Variants in SHTN1 observed in about 807,000 individuals in gnomAD.
SHTN1 encodes the protein shootin 1.
Under a neutral mutation model 83.1 loss-of-function variants are expected in SHTN1, and 42 were observed. The observed-to-expected ratio is 0.51, with a 90% CI of 0.39 to 0.65. The LOEUF (loss-of-function observed/expected upper bound fraction) is 0.65. SHTN1 is among the 30% of genes least tolerant of loss of function. The pLI is 0.00. For synonymous variants in SHTN1, 224 were observed against 247.7 expected (o/e 0.90, Z 0.90); for missense variants, 622 against 737.8 (o/e 0.84, Z 1.82).
At chr10:116,904,328 C>T (rs1285998927) in intron 15 of SHTN1, among the ~76,000 whole-genome samples, 1 of 152,180 alleles carries the variant, frequency 6.6e-6, no homozygotes, top group African/African-American at 2.4e-5. Context: ...TAAAAATATT[C>T]ACATGGTAAA....
intron 9 of SHTN1, among the ~76,000 whole-genome samples, chr10:116,933,325 AC>A (rs753279565): frequency 7.0e-6 from 1 of 142,022 alleles, no homozygotes; most frequent in African/African-American, 2.6e-5. Context: ...CCTTGCCCCC[AC>A]CCCCCGACAG....
At chr10:116,982,834 C>A (rs539394095) in intron 1 of SHTN1, among the ~76,000 whole-genome samples, 4 of 152,016 alleles carry the variant, frequency 2.6e-5, no homozygotes, top group African/African-American at 7.3e-5. Context: ...TGGCAGCACA[C>A]GCCTGTAATC....
At chr10:116,996,065 A>G (rs1273763578) in intron 1 of SHTN1, among the ~76,000 whole-genome samples, 1 of 152,224 alleles carries the variant, frequency 6.6e-6, no homozygotes, top group Non-Finnish European at 1.5e-5. Context: ...TTTTTGCTGC[A>G]TTTATGTAAA....
At chr10:117,015,291 TGTA>T (rs1852166391) in intron 2 of SHTN1, among the ~76,000 whole-genome samples, 1 of 152,122 alleles carries the variant, frequency 6.6e-6, no homozygotes, top group Non-Finnish European at 1.5e-5. Flanking sequence ...CTTTGGAAAT[TGTA>T]GTAATTTTTT....
At chr10:117,121,790 T>C (rs758060145) in intron 1 of SHTN1, among the ~76,000 whole-genome samples, 7 of 151,388 alleles carry the variant, frequency 4.6e-5, no homozygotes, top group African/African-American at 7.3e-5. Flanking sequence ...CCCAGCACTT[T>C]GGGAGGCCAA....
At chr10:116,906,860 C>A in intron 14 of SHTN1, 113 bp from the exon 15 acceptor site, 1 of 867,020 alleles carries the variant, frequency 1.2e-6, no homozygotes. Flanking sequence ...AATTATGAAA[C>A]AAAATGAATT....
At chr10:117,003,568 G>A (rs1425126543) in intron 1 of SHTN1, among the ~76,000 whole-genome samples, 2 of 151,956 alleles carry the variant, frequency 1.3e-5, no homozygotes, top group Middle Eastern at 3.4e-3. Flanking sequence ...ACTTCCCAAC[G>A]GTGTCTGTGG....
At chr10:117,116,177 T>G (rs1359769856) in intron 1 of SHTN1, among the ~76,000 whole-genome samples, 1 of 149,632 alleles carries the variant, frequency 6.7e-6, no homozygotes, top group Admixed American at 6.6e-5. Flanking sequence ...TTAGGTAGAT[T>G]GAGAAAAAAA....
At chr10:117,057,626 T>G (rs570423262) in intron 1 of SHTN1, among the ~76,000 whole-genome samples, 1 of 152,126 alleles carries the variant, frequency 6.6e-6, no homozygotes, top group Non-Finnish European at 1.5e-5. Context: ...CAACCACATA[T>G]GCAGGGAATT....
rs572945015 is a variant in SHTN1, at chr10:116,960,290, C to T, written c.173-60G>A. 4 of 907,892 alleles carry T rather than the reference C, an allele frequency of 4.4e-6. No homozygotes were observed. The African/African-American group carries it at 4.9e-5, about 11-fold the overall frequency. The allele number at this position is 907,892 out of a possible 1,614,324, so 56.2% of individuals were successfully genotyped here. ...AAAGATTAGTCAGCTATTCCAGGAGCCCACGCATCGTCCCATGATTAAGAA... is the reference window on the plus strand; with the variant it reads ...AAAGATTAGTCAGCTATTCCAGGAGTCCACGCATCGTCCCATGATTAAGAA... On this transcript the variant is annotated intron_variant, in intron 3 of 16. Transcript: ENST00000355371.
intron 1 of SHTN1, among the ~76,000 whole-genome samples, chr10:117,081,025 TTTCC>T (rs1167235359): frequency 1.3e-5 from 2 of 152,142 alleles, no homozygotes; most frequent in African/African-American, 4.8e-5. Flanking sequence ...ATACCCGTTA[TTTCC>T]TTCTCCCACC....
chr10:116,942,133 A>G (rs1589827480), intron 8 of SHTN1, among the ~76,000 whole-genome samples: 2 of 152,334 alleles, frequency 1.3e-5, no homozygotes, highest in African/African-American at 2.4e-5. Flanking sequence ...AGAGTAATCA[A>G]TATTTCATCA....
At chr10:116,998,296 A>G (rs1269742542) in intron 1 of SHTN1, among the ~76,000 whole-genome samples, 1 of 152,184 alleles carries the variant, frequency 6.6e-6, no homozygotes, top group African/African-American at 2.4e-5. Context: ...TGTTCTTTCC[A>G]TCGGCTCTTG....
At chr10:116,940,443 G>T in intron 9 of SHTN1, 23 bp downstream of exon 9, 1 of 1,611,906 alleles carries the variant, frequency 6.2e-7, no homozygotes, top group South Asian at 1.1e-5. Flanking sequence ...GTGTACCTAA[G>T]ATTCCAGAAG....
intron 1 of SHTN1, among the ~76,000 whole-genome samples, chr10:117,092,537 G>A (rs1323543044): frequency 1.3e-5 from 2 of 152,130 alleles, no homozygotes; most frequent in African/African-American, 4.8e-5. Context: ...GACAAATTAA[G>A]CCAATAAAAA....
chr10:117,069,889 A>G (rs922504418), intron 1 of SHTN1, among the ~76,000 whole-genome samples: 10 of 152,316 alleles, frequency 6.6e-5, no homozygotes, highest in African/African-American at 2.2e-4. Context: ...AAGCCCTGTT[A>G]TATCTAGCCA....
intron 2 of SHTN1, among the ~76,000 whole-genome samples, chr10:117,022,546 A>G (rs752567069): frequency 3.9e-5 from 6 of 152,328 alleles, no homozygotes; most frequent in Non-Finnish European, 8.8e-5. Flanking sequence ...AATACACACA[A>G]CTAAACAAAA....
At chr10:116,986,511 G>T (rs1388206236) in intron 1 of SHTN1, among the ~76,000 whole-genome samples, 1 of 151,918 alleles carries the variant, frequency 6.6e-6, no homozygotes, top group East Asian at 1.9e-4. Context: ...CTAAACTTTT[G>T]TGAGTTTCAC....
rs983478570 is a variant in SHTN1 at position 116,885,754 on chromosome 10, T to A, written c.*590A>T. 1 of 152,668 alleles carries A rather than the reference T, an allele frequency of 6.6e-6. No homozygotes were observed. The highest frequency in any genetic ancestry group is 6.5e-5 in the Admixed American group (1 of 15,322). 9.5% of individuals were successfully genotyped at this position (152,668 alleles called of 1,614,324 possible). A position where few individuals can be genotyped will look rare whatever the true frequency, so the allele number is the denominator to read the frequency against. On this transcript the variant is annotated 3_prime_UTR_variant, in exon 17 of 17. Transcript: ENST00000355371. ...TCAATAGCATGTATTTTTCATCCAA[T>A]AGTTAACAATGTGTGTAATTAACAC...
Sources: gnomAD v4.1 joint callset for allele counts (sites outside exome capture counted in the v4.1 genomes callset) on GRCh38, gnomAD v4.1.1 for gene constraint, MANE v1.5 for transcripts, NCBI Gene and HGNC (gene_info 2026-07-23, HGNC 2026-07-21) for gene names.